RBFOX1: variants seen among roughly 807,000 people sequenced by gnomAD.
RBFOX1 encodes RNA binding fox-1 homolog 1.
RBFOX1 carries 8 observed loss-of-function variants against 57.7 expected under a neutral mutation model. The observed-to-expected ratio is 0.14, with a 90% CI of 0.08 to 0.25. The LOEUF (loss-of-function observed/expected upper bound fraction) is 0.25. Ranked by LOEUF, RBFOX1 falls within the 10% of genes least tolerant of loss-of-function variation. The pLI, the probability that RBFOX1 is intolerant of heterozygous loss-of-function variation, is 1.00. For missense variants in RBFOX1, 611 were observed against 548.5 expected, an observed-to-expected ratio of 1.11 and a Z score of -1.14; for synonymous variants, 326 against 222.4, an observed-to-expected ratio of 1.47 and a Z score of -4.15.
chr16:6,436,237 C>T (rs773098569), intron 2 of RBFOX1, among the ~76,000 whole-genome samples: 8 of 151,892 alleles, frequency 5.3e-5, no homozygotes, highest in South Asian at 2.1e-4. Flanking sequence ...AAGAGCTACC[C>T]GAATTAAAAA....
chr16:5,392,083 A>G (rs2066426803), intron 1 of RBFOX1, among the ~76,000 whole-genome samples: 1 of 152,128 alleles, frequency 6.6e-6, no homozygotes, highest in Admixed American at 6.5e-5. Flanking sequence ...CTAAGCTATG[A>G]GGACGCAAAG....
chr16:6,947,935 C>A (rs1358442108), intron 3 of RBFOX1, among the ~76,000 whole-genome samples: 3 of 152,058 alleles, frequency 2.0e-5, no homozygotes, highest in Non-Finnish European at 4.4e-5. Context: ...ACCCACCATG[C>A]CCAGCTAATT....
At chr16:7,188,094 A>G (rs772857377) in intron 4 of RBFOX1, among the ~76,000 whole-genome samples, 1 of 152,176 alleles carries the variant, frequency 6.6e-6, no homozygotes, top group Non-Finnish European at 1.5e-5. Context: ...GCAATGTGGA[A>G]TATTTGGTAA....
chr16:6,818,281 AC>A (rs1170834174), intron 3 of RBFOX1, among the ~76,000 whole-genome samples: 1 of 151,968 alleles, frequency 6.6e-6, no homozygotes, highest in Non-Finnish European at 1.5e-5. Flanking sequence ...AGCTGGATTC[AC>A]CTGTGTGTGC....
At chr16:7,305,173 TC>T (rs1192490088) in intron 4 of RBFOX1, among the ~76,000 whole-genome samples, 3 of 151,962 alleles carry the variant, frequency 2.0e-5, no homozygotes, top group African/African-American at 7.3e-5. Context: ...TCCTTAGTGG[TC>T]TTGCTGAGGG....
chr16:7,709,000 T>A, intron 14 of RBFOX1, 56 bp from the exon 15 acceptor site: 2 of 1,509,716 alleles, frequency 1.3e-6, no homozygotes, highest in African/African-American at 2.8e-5. Context: ...TTTATGATTG[T>A]TATTGTTTTG....
chr16:7,046,019 A>C (rs747134698), intron 3 of RBFOX1, among the ~76,000 whole-genome samples: 4 of 152,172 alleles, frequency 2.6e-5, no homozygotes, highest in Non-Finnish European at 5.9e-5. Context: ...ACATTTTTAA[A>C]AACACTTGTA....
intron 4 of RBFOX1, among the ~76,000 whole-genome samples, chr16:7,377,514 G>C (rs935069543): frequency 4.6e-5 from 7 of 152,192 alleles, no homozygotes; most frequent in Admixed American, 4.6e-4. Context: ...TGTAGTAACA[G>C]CCTAAGGAGA....
At position 5,796,863 on chromosome 16, in the gene RBFOX1, T is replaced by C. The variant is rs2054896641; in HGVS notation, c.319-70440T>C. On this transcript the variant is annotated intron_variant, in intron 3 of 19. Coordinates refer to the RBFOX1 transcript ENST00000641259. Reference sequence around the variant, plus strand: ...TAACCTCTATATGGCCCTCACATCATTCATCAATTCATTGTTTGTTCATCG... The same window carrying C: ...TAACCTCTATATGGCCCTCACATCACTCATCAATTCATTGTTTGTTCATCG... Among the ~76,000 whole-genome samples the C allele has an allele frequency of 2.0e-5, 3 of 152,202 alleles. 1 individual carries two copies. The South Asian group carries it at 6.2e-4, about 32-fold the overall frequency.
intron 1 of RBFOX1, among the ~76,000 whole-genome samples, chr16:6,053,160 G>C (rs2095574040): frequency 6.6e-6 from 1 of 152,148 alleles, no homozygotes; most frequent in Non-Finnish European, 1.5e-5. Context: ...GCTATTATTT[G>C]CAAATTTTTG....
chr16:6,985,212 A>G (rs1363369024), intron 3 of RBFOX1, among the ~76,000 whole-genome samples: 1 of 145,018 alleles, frequency 6.9e-6, no homozygotes, highest in Non-Finnish European at 1.5e-5. Context: ...TCATGGAAAG[A>G]TTTTTTTCTC....
intron 3 of RBFOX1, among the ~76,000 whole-genome samples, chr16:5,863,272 G>C (rs1452405408): frequency 6.6e-6 from 1 of 152,212 alleles, no homozygotes; most frequent in Non-Finnish European, 1.5e-5. Flanking sequence ...GAAATAGCTG[G>C]AACAAAGCTT....
chr16:7,304,482 G>A, intron 4 of RBFOX1: 1 of 985,306 alleles, frequency 1.0e-6, no homozygotes, highest in Non-Finnish European at 1.2e-6. Flanking sequence ...TGTACTTACA[G>A]CAGGTAAGGC....
chr16:5,879,486 T>C (rs2057707669), intron 4 of RBFOX1, among the ~76,000 whole-genome samples: 1 of 152,160 alleles, frequency 6.6e-6, no homozygotes, highest in South Asian at 2.1e-4. Flanking sequence ...TGTGCCACCA[T>C]ACCTGGCTAA....
chr16:5,691,848 C>G (rs906588074), intron 3 of RBFOX1, among the ~76,000 whole-genome samples: 2 of 152,098 alleles, frequency 1.3e-5, no homozygotes, highest in Non-Finnish European at 2.9e-5. Flanking sequence ...AAATAGGTGC[C>G]AGAGTTGGGA....
At chr16:5,524,841 C>G (rs916478106) in intron 2 of RBFOX1, among the ~76,000 whole-genome samples, 1 of 151,778 alleles carries the variant, frequency 6.6e-6, no homozygotes, top group Non-Finnish European at 1.5e-5. Flanking sequence ...GCACCCGGCC[C>G]CTATTCATCA....
intron 3 of RBFOX1, among the ~76,000 whole-genome samples, chr16:5,781,174 G>A (rs2054311282): frequency 6.6e-6 from 1 of 152,208 alleles, no homozygotes; most frequent in Non-Finnish European, 1.5e-5. Flanking sequence ...AAAGCTAAAA[G>A]ATAGGTGCTT....
chr16:7,203,285 G>C (rs12325273), intron 4 of RBFOX1, among the ~76,000 whole-genome samples: 44,368 of 152,076 alleles, frequency 0.29, 6,752 homozygotes, highest in Non-Finnish European at 0.33. Context: ...AAATAAGCCA[G>C]TCACAAAAAC....
At chr16:5,709,732 T>A (rs2051382103) in intron 3 of RBFOX1, among the ~76,000 whole-genome samples, 1 of 138,708 alleles carries the variant, frequency 7.2e-6, no homozygotes, top group Non-Finnish European at 1.6e-5. Flanking sequence ...TATATAAAGT[T>A]CATTCAATGA....
Sources: gnomAD v4.1 joint callset for allele counts (sites outside exome capture counted in the v4.1 genomes callset) on GRCh38, gnomAD v4.1.1 for gene constraint, MANE v1.5 for transcripts, NCBI Gene and HGNC (gene_info 2026-07-23, HGNC 2026-07-21) for gene names.